The following ZFHX4 variants were observed in gnomAD, a reference collection of about 807,000 sequenced individuals.
The protein encoded by ZFHX4 is zinc finger homeobox 4.
ZFHX4 carries 56 observed loss-of-function variants against 267.6 expected under a neutral mutation model. That is an observed-to-expected ratio of 0.21 (90% CI 0.17 to 0.26). The LOEUF is 0.26. Ranked by LOEUF, ZFHX4 falls within the 10% of genes least tolerant of loss-of-function variation. ZFHX4 has a pLI of 1.00. For missense variants in ZFHX4, 4,332 were observed against 4,420.0 expected (o/e 0.98, Z 0.56); for synonymous variants, 1,778 against 1,665.6 (o/e 1.07, Z -1.64).
Position 76,851,252 on chromosome 8 carries a change from T to C in ZFHX4, c.4331T>C (p.Leu1444Ser). ...ACATTCCAGGCTTTAAAAAAACACTTGGAAGCAGGCCACCCTGAACTGAGT... is the reference window on the plus strand; with the variant it reads ...ACATTCCAGGCTTTAAAAAAACACTCGGAAGCAGGCCACCCTGAACTGAGT... ...FRTFQALKKHLEAGHPELSEA... is the reference protein window; with the variant it reads ...FRTFQALKKHSEAGHPELSEA... Residue 1444 changes from leucine to serine, a missense_variant, in exon 10 of 11, where the codon TTG becomes TCG. Physicochemically the swap from Leu to Ser is moderately radical, Grantham distance 145 (BLOSUM62 -2). This residue lies in a region of ZFHX4 where 1,371 missense variants were observed against 1,423.1 expected (regional missense o/e 0.96). Coordinates refer to ENST00000651372, the MANE Select transcript of ZFHX4 (RefSeq NM_024721.5). The C allele has an allele frequency of 6.2e-7, 1 of 1,613,728 alleles. No homozygotes were observed. The highest frequency in any genetic ancestry group is 8.5e-7 in the Non-Finnish European group (1 of 1,179,808).
At chr8:76,796,267 T>C (rs1810977040) in intron 4 of ZFHX4, among the ~76,000 whole-genome samples, 1 of 152,280 alleles carries the variant, frequency 6.6e-6, no homozygotes, top group South Asian at 2.1e-4. Context: ...ATTGCACACA[T>C]AGTATATTTA....
chr8:76,856,481 A>G (rs905379772), intron 10 of ZFHX4, 181 bp downstream of exon 10: 6 of 695,950 alleles, frequency 8.6e-6, no homozygotes, highest in Admixed American at 7.1e-5. Flanking sequence ...TCAACCTGAA[A>G]CACACACAGA....
intron 3 of ZFHX4, among the ~76,000 whole-genome samples, chr8:76,740,440 T>C (rs1469288782): frequency 1.3e-5 from 2 of 151,824 alleles, no homozygotes; most frequent in Non-Finnish European, 2.9e-5. Flanking sequence ...CAAATCACCA[T>C]TAAAGAGCTA....
At chr8:76,771,549 C>T (rs971804532) in intron 3 of ZFHX4, among the ~76,000 whole-genome samples, 5 of 152,114 alleles carry the variant, frequency 3.3e-5, no homozygotes, top group Non-Finnish European at 5.9e-5. Flanking sequence ...AGCCATTCTC[C>T]TGTCTCAGAC....
chr8:76,787,663 A>AT (rs1810728081), intron 4 of ZFHX4, among the ~76,000 whole-genome samples: 1 of 147,328 alleles, frequency 6.8e-6, no homozygotes. Context: ...AAAAAAAAAA[A>AT]TTAGCCGGGC....
chr8:76,850,804 G>A, intron 9 of ZFHX4, 82 bp from the exon 10 acceptor site: 1 of 1,360,312 alleles, frequency 7.4e-7, no homozygotes, highest in Non-Finnish European at 9.7e-7. Context: ...AGCCTTTAGA[G>A]GCTACTATTT....
At chr8:76,706,737 G>T in intron 2 of ZFHX4, 59 bp downstream of exon 2, 1 of 1,455,818 alleles carries the variant, frequency 6.9e-7, no homozygotes, top group East Asian at 2.5e-5. Flanking sequence ...TTGATTTGGC[G>T]TGATGCACCC....
In ZFHX4 at chr8:76,852,066, C is replaced by T. The variant is rs1381376498; in HGVS notation, c.5145C>T (p.Asn1715=). 5 of 1,613,960 alleles carry T rather than the reference C, an allele frequency of 3.1e-6. No individual in the cohort carries two copies. In the Admixed American group the frequency reaches 6.7e-5, roughly 22 times the overall value. ...CATTCTTTCAGCCTCAGTTTCTAAA[C>T]CCAGCCTTTTTGCCTCATTTTCCTA... ...QAAFFQPQFL[N]PAFLPHFPMT... Residue 1715 remains asparagine (N), a synonymous_variant, in exon 10 of 11, where the codon AAC becomes AAT. Coordinates refer to ENST00000651372, the MANE Select transcript of ZFHX4 (RefSeq NM_024721.5).
chr8:76,824,050 G>A (rs1430527826), intron 4 of ZFHX4, among the ~76,000 whole-genome samples: 1 of 152,146 alleles, frequency 6.6e-6, no homozygotes. Flanking sequence ...GAAGGTAATT[G>A]TATCCCGATT....
At position 76,747,142 on chromosome 8, in the gene ZFHX4, A is replaced by G. The variant is rs140368991; in HGVS notation, c.3094-31066A>G. Among the ~76,000 whole-genome samples, 530 of 152,268 alleles carry G rather than the reference A, an allele frequency of 3.5e-3. 2 individuals are homozygous for G. The highest frequency in any genetic ancestry group is 0.019 in the South Asian group (90 of 4,828). Reference sequence around the variant, plus strand: ...TTATGGTAACTTCTGAAACTATATTAATAATTTTTTTAGAATTTGTCAAAT... The same window carrying G: ...TTATGGTAACTTCTGAAACTATATTGATAATTTTTTTAGAATTTGTCAAAT... On this transcript the variant is annotated intron_variant, in intron 3 of 10. Coordinates refer to ENST00000651372, the MANE Select transcript of ZFHX4 (RefSeq NM_024721.5).
chr8:76,809,840 A>G (rs899746890), intron 4 of ZFHX4, among the ~76,000 whole-genome samples: 41 of 152,312 alleles, frequency 2.7e-4, no homozygotes, highest in Non-Finnish European at 4.4e-4. Flanking sequence ...ATTTGATAAT[A>G]TAAAATAACC....
chr8:76,828,338 A>G (rs1047959709), intron 4 of ZFHX4, among the ~76,000 whole-genome samples: 21 of 152,040 alleles, frequency 1.4e-4, no homozygotes, highest in Non-Finnish European at 2.9e-5. Flanking sequence ...AGGGATGCCT[A>G]GAGGCAGTGC....
intron 3 of ZFHX4, among the ~76,000 whole-genome samples, chr8:76,755,301 C>A (rs1327642122): frequency 1.3e-5 from 2 of 152,064 alleles, no homozygotes; most frequent in African/African-American, 4.8e-5. Flanking sequence ...TTTAGGGGAT[C>A]TTTTCAGTGC....
At chr8:76,698,585 G>A (rs1318927235) in intron 1 of ZFHX4, among the ~76,000 whole-genome samples, 1 of 126,900 alleles carries the variant, frequency 7.9e-6, no homozygotes, top group Non-Finnish European at 1.5e-5. Context: ...GGAAGAGAAA[G>A]AAAAGAATGA....
intron 4 of ZFHX4, among the ~76,000 whole-genome samples, chr8:76,793,459 G>A (rs1228822738): frequency 1.3e-5 from 2 of 152,062 alleles, no homozygotes; most frequent in African/African-American, 2.4e-5. Flanking sequence ...GATTTCAAAC[G>A]GTAAATGGAA....
chr8:76,710,888 A>G (rs1808405505), intron 3 of ZFHX4, among the ~76,000 whole-genome samples: 1 of 152,148 alleles, frequency 6.6e-6, no homozygotes, highest in South Asian at 2.1e-4. Context: ...TGGCTGCTTG[A>G]CTTGAAACTG....
chr8:76,688,259 G>T (rs909025396), intron 1 of ZFHX4, among the ~76,000 whole-genome samples: 5 of 152,098 alleles, frequency 3.3e-5, no homozygotes, highest in African/African-American at 7.2e-5. Flanking sequence ...GGAATATAAG[G>T]TGCCTGTTTT....
chr8:76,752,699 CA>C (rs917381622), intron 3 of ZFHX4, among the ~76,000 whole-genome samples: 2 of 151,460 alleles, frequency 1.3e-5, no homozygotes, highest in East Asian at 1.9e-4. Context: ...ATACAAAAAA[CA>C]AAAAAACACC....
intron 3 of ZFHX4, among the ~76,000 whole-genome samples, chr8:76,770,362 C>T (rs1422225392): frequency 6.6e-6 from 1 of 152,090 alleles, no homozygotes; most frequent in Admixed American, 6.6e-5. Context: ...CTATTGCTCT[C>T]CACTATATTC....
Sources: allele counts gnomAD v4.1 joint callset (sites outside exome capture counted in the v4.1 genomes callset), GRCh38; gene constraint gnomAD v4.1.1; regional missense constraint gnomAD v4.1.1; transcripts MANE v1.5; gene names NCBI Gene and HGNC (gene_info 2026-07-23, HGNC 2026-07-21).